Variants in ZMYM6 observed in about 807,000 individuals in gnomAD.
The protein encoded by ZMYM6 is zinc finger MYM-type protein 6.
ZMYM6 carries 90 observed loss-of-function variants against 134.0 expected under a neutral mutation model. The ratio of observed to expected loss-of-function variants is 0.67; its 90% CI spans 0.57 to 0.80. ZMYM6 has a LOEUF of 0.80. ZMYM6 is among the 30% of genes least tolerant of loss of function. ZMYM6 has a pLI of 0.00. For missense variants in ZMYM6, 1,362 were observed against 1,533.9 expected (o/e 0.89, Z 1.87); for synonymous variants, 481 against 524.1 (o/e 0.92, Z 1.12).
rs572101095 is a variant in ZMYM6, at chr1:34,992,048, GA to G, written c.2146+185del. On this transcript the variant is annotated intron_variant, in intron 15 of 15. Coordinates refer to ENST00000357182, the MANE Select transcript of ZMYM6 (RefSeq NM_007167.4). ...GTTAGTAATTATAATAGCTTGTTAT[GA>G]TAGCTGGTTATTAGTGTTAATAATT... is the stretch of plus-strand genomic sequence containing the variant. 1.1e-3 allele frequency: 819 copies of G among 741,912 alleles called. 5 individuals carry two copies. The highest frequency in any genetic ancestry group is 8.4e-3 in the African/African-American group (474 of 56,220). The allele number at this position is 741,912 out of a possible 1,614,324, so 46.0% of individuals were successfully genotyped here. A position where few individuals can be genotyped will look rare whatever the true frequency, so the allele number is the denominator to read the frequency against.
chr1:35,006,052 G>C (rs984468529), intron 12 of ZMYM6, among the ~76,000 whole-genome samples: 4 of 152,174 alleles, frequency 2.6e-5, no homozygotes, highest in African/African-American at 9.7e-5. Context: ...CTGTAGCCCA[G>C]GCTGGAGTGC....
intron 2 of ZMYM6, among the ~76,000 whole-genome samples, chr1:35,026,249 G>C (rs374683694): frequency 1.3e-5 from 2 of 151,926 alleles, no homozygotes; most frequent in East Asian, 3.9e-4. Flanking sequence ...TTGAACTCCT[G>C]ACCTCAAGGG....
chr1:35,018,667 G>A (rs902844068), intron 4 of ZMYM6: 4 of 152,212 alleles, frequency 2.6e-5, no homozygotes, highest in African/African-American at 7.2e-5. Flanking sequence ...GGCTTAGAAA[G>A]TTAAACATCT....
At position 35,011,875 on chromosome 1, in the gene ZMYM6, T is replaced by C; in HGVS notation, c.1062+15A>G. 6.5e-7 allele frequency: 1 copy of C among 1,540,992 alleles called. No homozygotes were observed. On this transcript the variant is annotated intron_variant, in intron 8 of 15. Transcript: ENST00000357182. ...TAACAGAACCACATGCATAATGTGC[T>C]ACCTTAGATCATACCTGGAAAGCAA...
Position 35,010,556 on chromosome 1 carries a change from T to C in ZMYM6, c.1383A>G (p.Glu461=). The change falls in exon 10 of 16, where the codon GAA becomes GAG. Residue 461 remains glutamate, a synonymous_variant. Coordinates refer to ENST00000357182, the MANE Select transcript of ZMYM6 (RefSeq NM_007167.4). The part of the protein sequence containing the change: ...FLFCGKNCSD[E]YKKKNKVVAM... ...CCACAACTTTATTTTTCTTCTTGTATTCATCAGAGCAATTCTTGCCACAAA... is the reference window on the plus strand; with the variant it reads ...CCACAACTTTATTTTTCTTCTTGTACTCATCAGAGCAATTCTTGCCACAAA... The C allele has an allele frequency of 6.2e-7, 1 of 1,614,018 alleles. No individual in the cohort carries two copies. Among genetic ancestry groups the C allele is most frequent in the Non-Finnish European group, 8.5e-7 (1 of 1,180,008 alleles).
Position 34,992,464 on chromosome 1 carries a change from G to A in ZMYM6, c.1993-77C>T, listed in dbSNP as rs189630722. 43 of 1,464,558 alleles carry A rather than the reference G, an allele frequency of 2.9e-5. 1 individual carries two copies. The South Asian group carries it at 4.9e-4, about 17-fold the overall frequency. The allele number at this position is 1,464,558 out of a possible 1,614,324, so 90.7% of individuals were successfully genotyped here. A position where few individuals can be genotyped will look rare whatever the true frequency, so the allele number is the denominator to read the frequency against. On this transcript the variant is annotated intron_variant, in intron 14 of 15. Coordinates refer to ENST00000357182, the MANE Select transcript of ZMYM6 (RefSeq NM_007167.4). ...TCACTGACTATAATTGCTATCAATT[G>A]AAAGTTCATATACATCAAGAGAAAT...
chr1:35,006,523 T>C (rs1372762472), intron 12 of ZMYM6, among the ~76,000 whole-genome samples: 2 of 152,208 alleles, frequency 1.3e-5, no homozygotes, highest in Non-Finnish European at 2.9e-5. Flanking sequence ...TCTTTTCTCC[T>C]TGCCTATAAG....
chr1:35,012,048 T>C, intron 7 of ZMYM6, 43 bp from the exon 8 acceptor site: 2 of 1,227,452 alleles, frequency 1.6e-6, no homozygotes, highest in Non-Finnish European at 2.3e-6. Context: ...GTTATACCAA[T>C]GAACAAACAA....
At chr1:34,989,235 C>T in intron 15 of ZMYM6, 1 of 1,083,302 alleles carries the variant, frequency 9.2e-7, no homozygotes, top group Non-Finnish European at 1.1e-6. Context: ...TGATACACAT[C>T]AAATTAACAA....
intron 14 of ZMYM6, among the ~76,000 whole-genome samples, chr1:35,000,077 C>T (rs141993130): frequency 1.3e-3 from 191 of 152,108 alleles, no homozygotes; most frequent in African/African-American, 4.4e-3. Flanking sequence ...AGACTATAGG[C>T]GTGCACCACC....
rs752192759 is a variant in ZMYM6, at chr1:35,010,992, G to A, written c.1107C>T (p.Pro369=). Residue 369 remains proline (P), a synonymous_variant, in exon 9 of 16, where the codon CCC becomes CCT. Transcript: ENST00000357182. ...KPKGTNSSAV[P]LSQGQVVVSP... is the part of the protein sequence containing the mutation. Reference sequence around the variant, plus strand: ...TTACAACCACTTGGCCCTGAGACAGGGGCACCGCCGAAGAGTTTGTTCCTT... The same window carrying A: ...TTACAACCACTTGGCCCTGAGACAGAGGCACCGCCGAAGAGTTTGTTCCTT... 1.3e-5 allele frequency: 21 copies of A among 1,613,754 alleles called. No individual in the cohort carries two copies. Among genetic ancestry groups the A allele is most frequent in the Non-Finnish European group, 1.6e-5 (19 of 1,179,998 alleles).
At chr1:34,999,264 T>C (rs1278559818) in intron 14 of ZMYM6, among the ~76,000 whole-genome samples, 1 of 152,142 alleles carries the variant, frequency 6.6e-6, no homozygotes, top group East Asian at 1.9e-4. Flanking sequence ...GACTACCAGA[T>C]TTGGCAATAT....
rs1307319331 is a variant in ZMYM6 at position 35,010,933 on chromosome 1, C to G, written c.1166G>C (p.Gly389Ala). ...PPSSRSAVSIGGGNTSAVSPS... is the reference protein window; with the variant it reads ...PPSSRSAVSIAGGNTSAVSPS... ...GGAAACGGCAGAGGTGTTACCTCCTCCTATTGACACTGCTGACCTGGAGGA... is the reference window on the plus strand; with the variant it reads ...GGAAACGGCAGAGGTGTTACCTCCTGCTATTGACACTGCTGACCTGGAGGA... Residue 389 changes from glycine (G) to alanine (A), a missense_variant, in exon 9 of 16, where the codon GGA becomes GCA. This residue lies in a region of ZMYM6 where 503 missense variants were observed against 520.8 expected (regional missense o/e 0.97). Coordinates refer to ENST00000357182, the MANE Select transcript of ZMYM6 (RefSeq NM_007167.4). 1 of 1,612,634 alleles carries G rather than the reference C, an allele frequency of 6.2e-7. No homozygotes were observed. Among genetic ancestry groups the G allele is most frequent in the African/African-American group, 1.3e-5 (1 of 74,964 alleles).
intron 2 of ZMYM6, among the ~76,000 whole-genome samples, chr1:35,021,118 A>ATTT (rs375899509): frequency 7.2e-6 from 1 of 139,286 alleles, no homozygotes; most frequent in African/African-American, 2.7e-5. Flanking sequence ...GAAAAAAAAA[A>ATTT]TTTTTTTTTT....
intron 12 of ZMYM6, 107 bp downstream of exon 12, chr1:35,006,844 T>G: frequency 9.3e-7 from 1 of 1,079,326 alleles, no homozygotes; most frequent in Non-Finnish European, 1.2e-6. Context: ...AAATTCAGGC[T>G]ATTTGAATCC....
chr1:35,010,927 C>T lies in ZMYM6; in HGVS notation c.1172G>A (p.Gly391Asp). Residue 391 changes from glycine (G) to aspartate (D), a missense_variant, in exon 9 of 16, where the codon GGT (glycine) becomes GAT (aspartate). Gly to Asp is a moderately conservative substitution (Grantham distance 94). Coordinates refer to ENST00000357182, the MANE Select transcript of ZMYM6 (RefSeq NM_007167.4). ...SSRSAVSIGG[G>D]NTSAVSPSSI... ...GCTGGGGGAAACGGCAGAGGTGTTA[C>T]CTCCTCCTATTGACACTGCTGACCT... The T allele has an allele frequency of 1.2e-6, 2 of 1,612,704 alleles. No homozygotes were observed. Among genetic ancestry groups the T allele is most frequent in the Non-Finnish European group, 1.7e-6 (2 of 1,179,522 alleles).
chr1:35,026,716 G>T (rs72909445), intron 2 of ZMYM6, among the ~76,000 whole-genome samples: 8,597 of 152,222 alleles, frequency 0.056, 714 homozygotes, highest in African/African-American at 0.19. Flanking sequence ...ACAAACTGTT[G>T]TATCCCAGTT....
chr1:35,020,024 A>G (rs1365954340), intron 3 of ZMYM6, among the ~76,000 whole-genome samples: 1 of 152,098 alleles, frequency 6.6e-6, no homozygotes, highest in Non-Finnish European at 1.5e-5. Context: ...TAATGAGGCA[A>G]TAAGAGCTCT....
intron 6 of ZMYM6, 45 bp from the exon 7 acceptor site, chr1:35,012,626 A>G: frequency 6.3e-7 from 1 of 1,587,908 alleles, no homozygotes; most frequent in Non-Finnish European, 8.5e-7. Context: ...AAACATACAT[A>G]TTTACATATT....
Sources: allele counts gnomAD v4.1 joint callset (sites outside exome capture counted in the v4.1 genomes callset), GRCh38; gene constraint gnomAD v4.1.1; regional missense constraint gnomAD v4.1.1; transcripts MANE v1.5; gene names NCBI Gene and HGNC (gene_info 2026-07-23, HGNC 2026-07-21).